KALRN: variants seen among roughly 807,000 people sequenced by gnomAD.
KALRN encodes the protein kalirin RhoGEF kinase, also known as kalirin.
In KALRN, 70 loss-of-function variants were observed where a neutral mutation model predicts 353.7. That is an observed-to-expected ratio of 0.20 (90% CI 0.16 to 0.24). The LOEUF (loss-of-function observed/expected upper bound fraction) is 0.24, where lower values mean the gene tolerates loss of function less well. Among genes scored for constraint, KALRN ranks in the 10% least tolerant of loss-of-function variants. KALRN has a pLI of 1.00. For missense variants in KALRN, 2,791 were observed against 3,756.7 expected, an observed-to-expected ratio of 0.74 and a Z score of 6.72; for synonymous variants, 1,391 against 1,434.8, an observed-to-expected ratio of 0.97 and a Z score of 0.69.
intron 1 of KALRN, among the ~76,000 whole-genome samples, chr3:124,034,720 C>T (rs2039251143): frequency 6.6e-6 from 1 of 152,128 alleles, no homozygotes; most frequent in African/African-American, 2.4e-5. Context: ...CCCCGTCTCC[C>T]TGTACCTGTG....
At chr3:124,414,823 G>A (rs1327720118) in intron 14 of KALRN, among the ~76,000 whole-genome samples, 1 of 152,214 alleles carries the variant, frequency 6.6e-6, no homozygotes, top group East Asian at 1.9e-4. Context: ...GTAGACAGGA[G>A]CTAAGGCCAT....
chr3:124,647,872 T>G (rs1248047043), intron 37 of KALRN, among the ~76,000 whole-genome samples: 1 of 152,254 alleles, frequency 6.6e-6, no homozygotes, highest in Non-Finnish European at 1.5e-5. Context: ...GTGTTCATTT[T>G]AAATATGGGG....
chr3:124,218,489 C>T (rs1461899548), intron 1 of KALRN, among the ~76,000 whole-genome samples: 16 of 152,202 alleles, frequency 1.1e-4, no homozygotes. Context: ...CTAATGTTCT[C>T]TGTTACTTTG....
At chr3:124,471,104 A>G (rs1021593392) in intron 25 of KALRN, among the ~76,000 whole-genome samples, 7 of 152,010 alleles carry the variant, frequency 4.6e-5, no homozygotes, top group Non-Finnish European at 1.0e-4. Context: ...GGTCAGATAC[A>G]TGTTTACCAA....
chr3:124,300,825 C>G (rs962560258), intron 6 of KALRN, among the ~76,000 whole-genome samples: 2 of 152,232 alleles, frequency 1.3e-5, no homozygotes, highest in African/African-American at 4.8e-5. Flanking sequence ...GTCTTGGCCA[C>G]AACACAGTCT....
chr3:124,369,014 C>T (rs1369382093), intron 10 of KALRN, among the ~76,000 whole-genome samples: 2 of 152,040 alleles, frequency 1.3e-5, no homozygotes, highest in East Asian at 1.9e-4. Context: ...AGTCCAGCTT[C>T]GGCTCCGCAT....
chr3:124,457,186 C>T (rs530998768), intron 23 of KALRN, among the ~76,000 whole-genome samples: 2 of 152,282 alleles, frequency 1.3e-5, no homozygotes, highest in East Asian at 3.9e-4. Context: ...TCTCCTGCCT[C>T]AGCCTCCCGA....
intron 1 of KALRN, among the ~76,000 whole-genome samples, chr3:124,107,817 T>C (rs2062449531): frequency 6.6e-6 from 1 of 152,166 alleles, no homozygotes; most frequent in African/African-American, 2.4e-5. Flanking sequence ...GTAGGGAATG[T>C]TCTGTACATT....
chr3:124,570,459 A>G (rs1012784460), intron 34 of KALRN, among the ~76,000 whole-genome samples: 1 of 152,184 alleles, frequency 6.6e-6, no homozygotes, highest in Non-Finnish European at 1.5e-5. Context: ...AGTATGATCA[A>G]TGAGGGTGAG....
intron 1 of KALRN, among the ~76,000 whole-genome samples, chr3:124,038,308 G>A (rs969029504): frequency 6.6e-6 from 1 of 152,090 alleles, no homozygotes; most frequent in African/African-American, 2.4e-5. Flanking sequence ...GTTCAGAGGA[G>A]GGATTTGGGG....
chr3:124,679,731 A>G (rs1179818180), intron 51 of KALRN: 5 of 627,026 alleles, frequency 8.0e-6, no homozygotes, highest in Non-Finnish European at 1.5e-5. Context: ...TTTAAAAAAC[A>G]AAAACTTGTT....
At chr3:124,428,700 A>G (rs7650530) in intron 15 of KALRN, among the ~76,000 whole-genome samples, 4,422 of 152,268 alleles carry the variant, frequency 0.029, 198 homozygotes, top group African/African-American at 0.1. Flanking sequence ...CATTTAGTAA[A>G]TAAAAATGAA....
At chr3:124,535,900 G>T (rs1469096359) in intron 33 of KALRN, among the ~76,000 whole-genome samples, 1 of 152,146 alleles carries the variant, frequency 6.6e-6, no homozygotes, top group Non-Finnish European at 1.5e-5. Context: ...CATTCCCAGG[G>T]TTTAGTCTAA....
chr3:124,556,505 G>A (rs1299856582), intron 33 of KALRN, among the ~76,000 whole-genome samples: 2 of 152,192 alleles, frequency 1.3e-5, no homozygotes, highest in South Asian at 4.1e-4. Flanking sequence ...GTAGGGCGAG[G>A]ACAGAAGTTT....
In KALRN at chr3:124,696,259, C is replaced by T. The variant is rs2062043927; in HGVS notation, c.7699+4C>T. 1 of 1,613,434 alleles carries T rather than the reference C, an allele frequency of 6.2e-7. No individual in the cohort carries two copies. Among genetic ancestry groups the T allele is most frequent in the African/African-American group, 1.3e-5 (1 of 75,024 alleles). Reference sequence around the variant, plus strand: ...TCTGCAACAGTCAAAGTGCAAGGTACAGCCTCTTTGTTAGTCAAACCTTTT... The same window carrying T: ...TCTGCAACAGTCAAAGTGCAAGGTATAGCCTCTTTGTTAGTCAAACCTTTT... On this transcript the variant is annotated splice_donor_region_variant and intron_variant, in intron 54 of 59. Coordinates refer to ENST00000682506, the MANE Select transcript of KALRN (RefSeq NM_001388419.1).
At chr3:124,683,240 G>A (rs1356746680) in intron 51 of KALRN, among the ~76,000 whole-genome samples, 3 of 152,156 alleles carry the variant, frequency 2.0e-5, no homozygotes, top group Non-Finnish European at 2.9e-5. Context: ...TTGCAGGGCT[G>A]AGAACCACAT....
chr3:124,687,406 G>A (rs993448890), intron 51 of KALRN, among the ~76,000 whole-genome samples: 4 of 152,202 alleles, frequency 2.6e-5, no homozygotes, highest in Admixed American at 1.3e-4. Context: ...ACACAGCAAC[G>A]CACCCCCATT....
intron 36 of KALRN, among the ~76,000 whole-genome samples, chr3:124,634,283 C>T (rs1424332149): frequency 6.6e-6 from 1 of 152,182 alleles, no homozygotes; most frequent in African/African-American, 2.4e-5. Flanking sequence ...CAGTCCACAA[C>T]CATTTTGTCG....
intron 51 of KALRN, among the ~76,000 whole-genome samples, chr3:124,685,997 C>T (rs2061540164): frequency 6.6e-6 from 1 of 152,022 alleles, no homozygotes; most frequent in African/African-American, 2.4e-5. Context: ...TTCAATTTCA[C>T]ACAATTTGAT....
Sources: allele counts gnomAD v4.1 joint callset (sites outside exome capture counted in the v4.1 genomes callset), GRCh38; gene constraint gnomAD v4.1.1; transcripts MANE v1.5; gene names NCBI Gene and HGNC (gene_info 2026-07-23, HGNC 2026-07-21).